INSC: variants seen among roughly 807,000 people sequenced by gnomAD.
INSC encodes the protein INSC spindle orientation adaptor protein.
A neutral mutation model predicts 58.6 loss-of-function variants in INSC; 67 were observed. That is an observed-to-expected ratio of 1.14 (90% CI 0.94 to 1.40). INSC has a LOEUF of 1.40. INSC is among the 40% of genes most tolerant of loss of function. The pLI, the probability that INSC is intolerant of heterozygous loss-of-function variation, is 0.00. For missense variants in INSC, 714 were observed against 692.0 expected (o/e 1.03, Z -0.36); for synonymous variants, 262 against 276.1 (o/e 0.95, Z 0.51).
intron 6 of INSC, among the ~76,000 whole-genome samples, chr11:15,195,808 A>G (rs957762146): frequency 6.6e-6 from 1 of 152,212 alleles, no homozygotes; most frequent in African/African-American, 2.4e-5. Flanking sequence ...TGGCCAGACC[A>G]CTGGGGATTA....
chr11:15,147,671 G>A (rs532310220), intron 1 of INSC, among the ~76,000 whole-genome samples: 5 of 152,282 alleles, frequency 3.3e-5, no homozygotes, highest in South Asian at 2.1e-4. Flanking sequence ...CACATGTGGT[G>A]TCTACCCTCA....
chr11:15,152,591 T>G (rs780594409), intron 2 of INSC, among the ~76,000 whole-genome samples: 1 of 152,240 alleles, frequency 6.6e-6, no homozygotes, highest in African/African-American at 2.4e-5. Context: ...TCCATGCTGC[T>G]TCAGAGGAAC....
chr11:15,268,010 C>T, the INSC span, among the ~76,000 whole-genome samples: 1 of 152,000 alleles, frequency 6.6e-6, no homozygotes, highest in East Asian at 1.9e-4. Flanking sequence ...ACTCCTAATA[C>T]CATCTTCTCA....
At chr11:15,264,627 C>T in the INSC span, among the ~76,000 whole-genome samples, 2 of 150,064 alleles carry the variant, frequency 1.3e-5, no homozygotes, top group Non-Finnish European at 1.5e-5. Flanking sequence ...TTTGCTGTAT[C>T]TCTATTCTGC....
chr11:15,211,602 T>C (rs1040572708), intron 7 of INSC, among the ~76,000 whole-genome samples: 1 of 152,198 alleles, frequency 6.6e-6, no homozygotes, highest in African/African-American at 2.4e-5. Flanking sequence ...TAAGAAATCA[T>C]TGATTTTTCC....
chr11:15,231,036 C>T (rs573570247), intron 9 of INSC, among the ~76,000 whole-genome samples: 36 of 152,306 alleles, frequency 2.4e-4, no homozygotes, highest in African/African-American at 8.2e-4. Flanking sequence ...TCAGGTCCTG[C>T]GCCCTGGGCC....
chr11:15,226,969 G>A (rs1457439456), intron 9 of INSC, among the ~76,000 whole-genome samples: 1 of 152,184 alleles, frequency 6.6e-6, no homozygotes, highest in Admixed American at 6.5e-5. Flanking sequence ...AATCGCCTGT[G>A]AAAGGGCAGC....
At chr11:15,156,270 G>A (rs1792548) in intron 2 of INSC, among the ~76,000 whole-genome samples, 145,086 of 152,268 alleles carry the variant, frequency 0.95, 69,512 homozygotes, top group East Asian at 1. Context: ...ACACTCCATC[G>A]TCTTTATATG....
At chr11:15,240,666 C>A in intron 12 of INSC, 143 bp downstream of exon 12, 2 of 665,226 alleles carry the variant, frequency 3.0e-6, no homozygotes, top group Non-Finnish European at 5.4e-6. Flanking sequence ...GGATTGTGAA[C>A]ATTGTAATAT....
chr11:15,191,541 T>G (rs1850177831), intron 6 of INSC, among the ~76,000 whole-genome samples: 1 of 152,234 alleles, frequency 6.6e-6, no homozygotes, highest in Admixed American at 6.5e-5. Flanking sequence ...TATGGCTCCC[T>G]GACATCATGT....
At chr11:15,188,062 T>A (rs1170365873) in intron 5 of INSC, 1 of 396,396 alleles carries the variant, frequency 2.5e-6, no homozygotes, top group Non-Finnish European at 3.4e-6. Flanking sequence ...CAAGCCAAAG[T>A]CCCCTGTTTG....
At chr11:15,167,103 A>ATT (rs879372040) in intron 2 of INSC, among the ~76,000 whole-genome samples, 2 of 146,056 alleles carry the variant, frequency 1.4e-5, no homozygotes, top group African/African-American at 5.0e-5. Flanking sequence ...AATTCTGTCT[A>ATT]TTTTTTTTTT....
chr11:15,143,094 C>T (rs1196987678), intron 1 of INSC, among the ~76,000 whole-genome samples: 1 of 152,178 alleles, frequency 6.6e-6, no homozygotes, highest in Non-Finnish European at 1.5e-5. Context: ...ATATTATGCA[C>T]AAGCCTATGT....
intron 7 of INSC, among the ~76,000 whole-genome samples, chr11:15,202,442 A>G (rs1243098813): frequency 6.6e-6 from 1 of 152,184 alleles, no homozygotes; most frequent in South Asian, 2.1e-4. Flanking sequence ...CAGACATGCT[A>G]TGCGTGTGCT....
At chr11:15,162,692 C>CT (rs1849060748) in intron 2 of INSC, among the ~76,000 whole-genome samples, 1 of 152,134 alleles carries the variant, frequency 6.6e-6, no homozygotes, top group Non-Finnish European at 1.5e-5. Context: ...TTCCTGGCAC[C>CT]TATTTAGCCC....
chr11:15,208,577 G>A (rs1050962824), intron 7 of INSC, among the ~76,000 whole-genome samples: 12 of 152,214 alleles, frequency 7.9e-5, no homozygotes, highest in African/African-American at 2.7e-4. Context: ...TAGCCACACT[G>A]CCCCACCTGC....
intron 5 of INSC, chr11:15,188,333 A>G (rs1850047821): frequency 6.1e-6 from 6 of 985,476 alleles, no homozygotes; most frequent in African/African-American, 1.7e-5. Context: ...CCACTAGTCC[A>G]GGTGAGGTCC....
intron 7 of INSC, among the ~76,000 whole-genome samples, chr11:15,202,270 C>G (rs1850622885): frequency 6.6e-6 from 1 of 152,118 alleles, no homozygotes. Context: ...CTTACTCCTT[C>G]ATTGTGCTAC....
At chr11:15,193,348 G>C (rs1016186641) in intron 6 of INSC, among the ~76,000 whole-genome samples, 1 of 152,178 alleles carries the variant, frequency 6.6e-6, no homozygotes, top group Non-Finnish European at 1.5e-5. Context: ...CAACGTGCAG[G>C]TTTGTTACCT....
Sources: allele counts gnomAD v4.1 joint callset (sites outside exome capture counted in the v4.1 genomes callset), GRCh38; gene constraint gnomAD v4.1.1; transcripts MANE v1.5; gene names NCBI Gene and HGNC (gene_info 2026-07-23, HGNC 2026-07-21).